Variants in EAPP observed in about 807,000 individuals in gnomAD.
The protein encoded by EAPP is E2F associated phosphoprotein.
In EAPP, 38 loss-of-function variants were observed where a neutral mutation model predicts 34.3. That is an observed-to-expected ratio of 1.11 (90% confidence interval 0.85 to 1.45). The LOEUF is 1.45. Among genes scored for constraint, EAPP ranks in the 40% most tolerant of loss-of-function variants. EAPP has a pLI of 0.00. For synonymous variants in EAPP, 113 were observed against 117.6 expected (o/e 0.96, Z 0.25); for missense variants, 338 against 343.7 (o/e 0.98, Z 0.13).
At position 34,533,530 on chromosome 14, in the gene EAPP, G is replaced by A. The variant is rs750653090; in HGVS notation, c.266C>T (p.Ser89Leu). ...KLSSLGTGSSSGNGKVATAPT... is the reference protein window; with the variant it reads ...KLSSLGTGSSLGNGKVATAPT... ...AGCTGTTGCAACTTTTCCATTTCCT[G>A]AGGAAGATCCTATTCAAACCAGAAG... is the stretch of plus-strand genomic sequence containing the variant. Residue 89 changes from serine (S) to leucine (L), a missense_variant, in exon 3 of 6, where the codon TCA becomes TTA. By Grantham distance (145) the Ser-to-Leu change is moderately radical. Coordinates refer to ENST00000250454, the MANE Select transcript of EAPP (RefSeq NM_018453.4). 1.9e-6 allele frequency: 3 copies of A among 1,587,600 alleles called. No individual in the cohort carries two copies. In the African/African-American group the frequency reaches 4.1e-5, roughly 22 times the overall value.
chr14:34,517,204 C>T (rs573525704), intron 5 of EAPP, among the ~76,000 whole-genome samples: 65 of 150,828 alleles, frequency 4.3e-4, no homozygotes, highest in South Asian at 1.0e-3. Flanking sequence ...TCCCAAAGTG[C>T]TGGGATTTCA....
intron 3 of EAPP, among the ~76,000 whole-genome samples, chr14:34,530,000 G>A (rs1311462256): frequency 1.3e-5 from 2 of 151,014 alleles, no homozygotes; most frequent in African/African-American, 4.9e-5. Context: ...TGGGTGATGA[G>A]AGCGAGACTC....
intron 4 of EAPP, 87 bp from the exon 5 acceptor site, chr14:34,524,894 A>G (rs1880046798): frequency 9.7e-7 from 1 of 1,035,286 alleles, no homozygotes; most frequent in South Asian, 1.3e-5. Context: ...AAGAACCAGT[A>G]CTATTCAGAG....
At chr14:34,536,894 TATAG>T (rs1438917821) in intron 1 of EAPP, among the ~76,000 whole-genome samples, 6 of 152,118 alleles carry the variant, frequency 3.9e-5, no homozygotes, top group African/African-American at 1.4e-4. Flanking sequence ...TAGATAGATA[TATAG>T]ATAGATAGAT....
rs984518161 is a variant in EAPP at position 34,527,408 on chromosome 14, A to C, written c.470+1950T>G. Among the ~76,000 whole-genome samples the C allele has an allele frequency of 9.1e-4, 138 of 152,062 alleles. 6 individuals are homozygous for C. The highest frequency in any genetic ancestry group is 1.6e-4 in the Non-Finnish European group (11 of 68,012). ...AACCCGGGAGGCGGTGTGTGCCTAC[A>C]GTCACAGCTACTCAGGAAGCTGAAC... On this transcript the variant is annotated intron_variant, in intron 4 of 5. Transcript: ENST00000250454.
chr14:34,530,200 CA>C (rs949808167), intron 3 of EAPP, among the ~76,000 whole-genome samples: 30 of 141,728 alleles, frequency 2.1e-4, no homozygotes, highest in East Asian at 8.1e-4. Context: ...AACTCCGTCT[CA>C]AAAAAAAAAA....
At chr14:34,522,500 C>T (rs1879951411) in intron 5 of EAPP, among the ~76,000 whole-genome samples, 1 of 152,028 alleles carries the variant, frequency 6.6e-6, no homozygotes, top group Non-Finnish European at 1.5e-5. Context: ...AAATGTACAT[C>T]TTTGTATTGA....
intron 3 of EAPP, 42 bp from the exon 4 acceptor site, chr14:34,529,517 C>T (rs1488670686): frequency 7.9e-7 from 1 of 1,269,584 alleles, no homozygotes; most frequent in African/African-American, 1.5e-5. Flanking sequence ...AATCATGTGT[C>T]AAGTTCACAC....
At chr14:34,535,088 G>A (rs138405981) in intron 2 of EAPP, among the ~76,000 whole-genome samples, 3,051 of 149,654 alleles carry the variant, frequency 0.02, 99 homozygotes, top group African/African-American at 0.07. Flanking sequence ...CCACTGCCTC[G>A]GCCTCCCAAA....
At chr14:34,525,894 C>A (rs1880078666) in intron 4 of EAPP, among the ~76,000 whole-genome samples, 1 of 151,818 alleles carries the variant, frequency 6.6e-6, no homozygotes, top group Admixed American at 6.6e-5. Flanking sequence ...GTGGCACATG[C>A]CTGTAGTCCC....
chr14:34,521,461 T>C (rs1879915713), intron 5 of EAPP, among the ~76,000 whole-genome samples: 3 of 152,126 alleles, frequency 2.0e-5, no homozygotes, highest in African/African-American at 4.8e-5. Context: ...TCTTTTGAGA[T>C]AATATTTTAT....
intron 5 of EAPP, among the ~76,000 whole-genome samples, chr14:34,523,164 T>C (rs1879972771): frequency 6.6e-6 from 1 of 152,104 alleles, no homozygotes; most frequent in African/African-American, 2.4e-5. Context: ...GTGCTGTATA[T>C]TTGGTTTTGG....
At chr14:34,531,930 G>C (rs922392847) in intron 3 of EAPP, among the ~76,000 whole-genome samples, 2 of 151,548 alleles carry the variant, frequency 1.3e-5, no homozygotes, top group African/African-American at 2.4e-5. Context: ...CAAAAAATTA[G>C]CCGGGTGTGG....
intron 3 of EAPP, among the ~76,000 whole-genome samples, chr14:34,532,075 CAAAA>C (rs757235021): frequency 1.5e-5 from 1 of 67,058 alleles, no homozygotes. Flanking sequence ...GACTCCGTCT[CAAAA>C]AAAAAAAAAA....
chr14:34,524,695 A>C lies in EAPP; in HGVS notation c.581+2T>G, dbSNP rs1265951385. The stretch of plus-strand genomic sequence containing the variant: ...TGTGTGTGTGTGTCCTTCATCCATT[A>C]CCTTTGGCAATCAAGGCAAAGTGTG... On this transcript the variant is annotated splice_donor_variant, in intron 5 of 5. Coordinates refer to ENST00000250454, the MANE Select transcript of EAPP (RefSeq NM_018453.4). LOFTEE classifies it high-confidence loss of function. 1 of 1,090,724 alleles carries C rather than the reference A, an allele frequency of 9.2e-7. No homozygotes were observed. Among genetic ancestry groups the C allele is most frequent in the South Asian group, 1.3e-5 (1 of 75,530 alleles). 67.6% of individuals were successfully genotyped at this position (1,090,724 alleles called of 1,614,324 possible). A position where few individuals can be genotyped will look rare whatever the true frequency, so the allele number is the denominator to read the frequency against.
At chr14:34,537,021 AT>A (rs1212420151) in intron 1 of EAPP, among the ~76,000 whole-genome samples, 1 of 151,148 alleles carries the variant, frequency 6.6e-6, no homozygotes, top group Non-Finnish European at 1.5e-5. Context: ...ATTATTTTTT[AT>A]TTTTTGAGAT....
At chr14:34,538,465 T>C (rs1340425051) in intron 1 of EAPP, among the ~76,000 whole-genome samples, 1 of 152,182 alleles carries the variant, frequency 6.6e-6, no homozygotes, top group Non-Finnish European at 1.5e-5. Context: ...CTGAAACTCT[T>C]TTTCACAGGG....
rs10135438 is a variant in EAPP at position 34,521,748 on chromosome 14, C to A, written c.581+2949G>T. On this transcript the variant is annotated intron_variant, in intron 5 of 5. Transcript: ENST00000250454. ...CTCCTGGGTTCAAGCGATTCTCCTG[C>A]CTCAGCCTCCCGAGTAGCTGGGACT... Among the ~76,000 whole-genome samples the A allele has an allele frequency of 6.1e-3, 923 of 151,622 alleles. 10 individuals carry two copies. Among genetic ancestry groups the A allele is most frequent in the African/African-American group, 0.021 (871 of 41,388 alleles).
At chr14:34,517,238 G>A (rs544894631) in intron 5 of EAPP, among the ~76,000 whole-genome samples, 4 of 141,316 alleles carry the variant, frequency 2.8e-5, no homozygotes, top group East Asian at 4.4e-4. Flanking sequence ...GCACCCAGAC[G>A]ATTCTATTTC....
Sources: allele counts gnomAD v4.1 joint callset (sites outside exome capture counted in the v4.1 genomes callset), GRCh38; gene constraint gnomAD v4.1.1; transcripts MANE v1.5; gene names NCBI Gene and HGNC (gene_info 2026-07-23, HGNC 2026-07-21).